The following SDK1 variants were observed in gnomAD, a reference collection of about 807,000 sequenced individuals.
SDK1 encodes sidekick cell adhesion molecule 1, also known as protein sidekick-1.
Under a neutral mutation model 245.5 loss-of-function variants are expected in SDK1, and 157 were observed. The observed-to-expected ratio is 0.64, with a 90% CI of 0.56 to 0.73. The LOEUF is 0.73. Ranked by LOEUF, SDK1 falls within the 30% of genes least tolerant of loss-of-function variation. The probability of loss-of-function intolerance (pLI) is 0.00; values close to 1 mark genes in which losing one functional copy is unlikely to be tolerated. For synonymous variants in SDK1, 1,647 were observed against 1,278.5 expected (o/e 1.29, Z -6.15); for missense variants, 3,583 against 3,002.3 (o/e 1.19, Z -4.52).
chr7:3,987,185 G>C lies in SDK1; in HGVS notation c.1995-1G>C. 1 of 1,613,638 alleles carries C rather than the reference G, an allele frequency of 6.2e-7. No individual in the cohort carries two copies. The highest frequency in any genetic ancestry group is 1.7e-4 in the Middle Eastern group (1 of 6,050). ...TTCCTTTTCATCCCATTCAATTCAAGTGAACTGCCTCATTCACCTCAGAAC... is the reference window on the plus strand; with the variant it reads ...TTCCTTTTCATCCCATTCAATTCAACTGAACTGCCTCATTCACCTCAGAAC... On this transcript the variant is annotated splice_acceptor_variant, in intron 13 of 44. Transcript: ENST00000404826. LOFTEE classifies it high-confidence loss of function.
intron 4 of SDK1, among the ~76,000 whole-genome samples, chr7:3,784,636 A>T (rs973301885): frequency 4.6e-5 from 7 of 152,206 alleles, no homozygotes; most frequent in Admixed American, 2.6e-4. Flanking sequence ...TCACTAAGGA[A>T]ATGCAAATTG....
At chr7:3,880,499 G>C (rs1234312565) in intron 5 of SDK1, among the ~76,000 whole-genome samples, 1 of 151,206 alleles carries the variant, frequency 6.6e-6, no homozygotes, top group Non-Finnish European at 1.5e-5. Flanking sequence ...AAAAAGTGCA[G>C]CGATGCGCAG....
chr7:3,983,685 A>T (rs1031868331), intron 13 of SDK1, among the ~76,000 whole-genome samples: 9 of 152,230 alleles, frequency 5.9e-5, no homozygotes, highest in Non-Finnish European at 4.4e-5. Context: ...CTCTATCACA[A>T]GGCCCTTCAC....
intron 4 of SDK1, among the ~76,000 whole-genome samples, chr7:3,651,161 T>A (rs1304015428): frequency 6.6e-6 from 1 of 151,934 alleles, no homozygotes; most frequent in Non-Finnish European, 1.5e-5. Context: ...GCCAAACTGT[T>A]TTCCAGAGTG....
At chr7:4,095,661 C>T (rs185862137) in intron 22 of SDK1, among the ~76,000 whole-genome samples, 272 of 152,314 alleles carry the variant, frequency 1.8e-3, no homozygotes, top group African/African-American at 6.1e-3. Flanking sequence ...CAACCTCCAC[C>T]TCCTGGGTTC....
chr7:4,051,641 C>T lies in SDK1; in HGVS notation c.2722C>T (p.Leu908=), dbSNP rs779281287. The T allele has an allele frequency of 3.1e-6, 5 of 1,610,106 alleles. No homozygotes were observed. Among genetic ancestry groups the T allele is most frequent in the Non-Finnish European group, 4.2e-6 (5 of 1,178,430 alleles). ...INGINQGYKL[L]AWPADAPEAV... ...TTTTCACCCTGTTCCATCTCAGCTTCTGGCATGGCCGGCAGATGCCCCCGA... is the reference window on the plus strand; with the variant it reads ...TTTTCACCCTGTTCCATCTCAGCTTTTGGCATGGCCGGCAGATGCCCCCGA... The change falls in exon 19 of 45, where the codon CTG becomes TTG. Residue 908 remains leucine (L), a synonymous_variant. Transcript: ENST00000404826.
intron 22 of SDK1, among the ~76,000 whole-genome samples, chr7:4,101,470 T>G (rs1782539053): frequency 6.6e-6 from 1 of 152,126 alleles, no homozygotes; most frequent in Non-Finnish European, 1.5e-5. Flanking sequence ...TTTTTAAAAC[T>G]CACCGATCTG....
intron 6 of SDK1, 123 bp downstream of exon 6, chr7:3,951,157 G>A (rs551955360): frequency 4.3e-5 from 31 of 724,404 alleles, no homozygotes; most frequent in East Asian, 1.1e-4. Flanking sequence ...TTGTTTGGCC[G>A]GGTGGGCCAT....
At chr7:3,352,298 T>C (rs1449532326) in intron 1 of SDK1, among the ~76,000 whole-genome samples, 1 of 151,944 alleles carries the variant, frequency 6.6e-6, no homozygotes, top group Non-Finnish European at 1.5e-5. Context: ...TGATACACGT[T>C]CCAGAGATCC....
At chr7:3,790,696 C>G (rs1781053848) in intron 4 of SDK1, among the ~76,000 whole-genome samples, 2 of 152,102 alleles carry the variant, frequency 1.3e-5, no homozygotes, top group Non-Finnish European at 2.9e-5. Context: ...ATCCCAGCTA[C>G]TCGGGAGACT....
At chr7:4,258,410 C>G (rs67819850) in intron 44 of SDK1, among the ~76,000 whole-genome samples, 28,763 of 152,164 alleles carry the variant, frequency 0.19, 3,138 homozygotes, top group Non-Finnish European at 0.25. Context: ...GCAAGACAGA[C>G]TAACTGAATT....
chr7:3,816,387 G>C (rs1163755882), intron 4 of SDK1, among the ~76,000 whole-genome samples: 2 of 147,518 alleles, frequency 1.4e-5, no homozygotes. Flanking sequence ...GAATCAAATA[G>C]ACACAATAAA....
chr7:3,438,314 C>G (rs888176372), intron 1 of SDK1, among the ~76,000 whole-genome samples: 1 of 152,190 alleles, frequency 6.6e-6, no homozygotes, highest in Admixed American at 6.5e-5. Flanking sequence ...CCTGTTGTCT[C>G]TGCTATATCT....
At chr7:4,217,317 G>A (rs1298965220) in intron 38 of SDK1, among the ~76,000 whole-genome samples, 21 of 110,782 alleles carry the variant, frequency 1.9e-4, no homozygotes, top group Admixed American at 1.7e-4. Context: ...CAGGCCACCC[G>A]GAGCACCAGG....
At chr7:4,005,428 GTGTGTGTGTT>G (rs1374215264) in intron 14 of SDK1, among the ~76,000 whole-genome samples, 4 of 141,154 alleles carry the variant, frequency 2.8e-5, no homozygotes, top group Non-Finnish European at 4.8e-5. Context: ...GTGTGTGTGT[GTGTGTGTGTT>G]AATACTTCTT....
chr7:3,737,198 C>A (rs1479501111), intron 4 of SDK1, among the ~76,000 whole-genome samples: 1 of 152,172 alleles, frequency 6.6e-6, no homozygotes, highest in African/African-American at 2.4e-5. Context: ...GACAGGACCC[C>A]CTGCTGGGCA....
intron 35 of SDK1, among the ~76,000 whole-genome samples, chr7:4,202,794 G>A (rs908026885): frequency 6.6e-6 from 1 of 152,098 alleles, no homozygotes; most frequent in Admixed American, 6.6e-5. Context: ...AGTCACACCG[G>A]TGCCTGTCCA....
chr7:4,025,712 GA>G (rs980067209), intron 17 of SDK1, among the ~76,000 whole-genome samples: 1 of 152,178 alleles, frequency 6.6e-6, no homozygotes, highest in Non-Finnish European at 1.5e-5. Flanking sequence ...ATGTCTGATT[GA>G]AAACACAGGG....
At chr7:3,988,485 G>C (rs764819301) in intron 14 of SDK1, among the ~76,000 whole-genome samples, 5 of 152,072 alleles carry the variant, frequency 3.3e-5, no homozygotes, top group Non-Finnish European at 7.3e-5. Flanking sequence ...TCCACGTCCT[G>C]CAGGGGTTCC....
Sources: gnomAD v4.1 joint callset for allele counts (sites outside exome capture counted in the v4.1 genomes callset) on GRCh38, gnomAD v4.1.1 for gene constraint, MANE v1.5 for transcripts, NCBI Gene and HGNC (gene_info 2026-07-23, HGNC 2026-07-21) for gene names.